The following LLGL2 variants were observed in gnomAD, a reference collection of about 807,000 sequenced individuals.
LLGL2 encodes LLGL2, scribble cell polarity complex component.
Under a neutral mutation model 123.2 loss-of-function variants are expected in LLGL2, and 81 were observed. That is an observed-to-expected ratio of 0.66 (90% CI 0.55 to 0.79). LLGL2 has a LOEUF of 0.79. LLGL2 is among the 30% of genes least tolerant of loss of function. The pLI, the probability that LLGL2 is intolerant of heterozygous loss-of-function variation, is 0.00. For missense variants in LLGL2, 1,273 were observed against 1,414.6 expected (o/e 0.90, Z 1.61); for synonymous variants, 577 against 594.1 (o/e 0.97, Z 0.42).
chr17:75,573,241 T>C lies in LLGL2; in HGVS notation c.2688T>C (p.Ser896=). ...RYSCIRREDV[S]GIASCVFTKY... is the part of the protein sequence containing the mutation. Reference sequence around the variant, plus strand: ...GCTGCATCCGCCGGGAGGACGTCAGTGGCATCGCCTCCTGCGTCTTCACCA... The same window carrying C: ...GCTGCATCCGCCGGGAGGACGTCAGCGGCATCGCCTCCTGCGTCTTCACCA... The change falls in exon 20 of 26, where the codon AGT becomes AGC. Residue 896 remains serine, a synonymous_variant. Transcript: ENST00000392550. 1 of 1,608,888 alleles carries C rather than the reference T, an allele frequency of 6.2e-7. No homozygotes were observed. Among genetic ancestry groups the C allele is most frequent in the Middle Eastern group, 1.7e-4 (1 of 6,050 alleles).
chr17:75,557,888 G>A (rs2054987980), intron 3 of LLGL2: 1 of 504,988 alleles, frequency 2.0e-6, no homozygotes, highest in Admixed American at 3.0e-5. Flanking sequence ...CAGTTGCCAG[G>A]GTAGGGCTTC....
chr17:75,567,950 GAAAA>G lies in LLGL2; in HGVS notation c.1037-514_1037-511del, dbSNP rs141562656. On this transcript the variant is annotated intron_variant, in intron 10 of 25. Transcript: ENST00000392550. ...AGTGTGAAACCCTGTCTCGAGAAAA[GAAAA>G]AAAAAAAAAAAGACAAATGGTTTAA... 6.4e-3 allele frequency: 3,121 copies of G among 483,904 alleles called. 84 individuals carry two copies. Among genetic ancestry groups the G allele is most frequent in the African/African-American group, 0.063 (2,888 of 45,868 alleles). 30.0% of individuals were successfully genotyped at this position (483,904 alleles called of 1,614,324 possible).
In LLGL2 at chr17:75,570,436, C is replaced by T. The variant is rs149923284; in HGVS notation, c.1963C>T (p.Arg655Cys). 1 of 1,602,652 alleles carries T rather than the reference C, an allele frequency of 6.2e-7. No homozygotes were observed. The highest frequency in any genetic ancestry group is 1.1e-5 in the South Asian group (1 of 89,236). ...SLKKSLRQSFRRMRRSRVSSR... is the reference protein window; with the variant it reads ...SLKKSLRQSFCRMRRSRVSSR... ...CAAGAAGTCCTTGCGTCAGTCATTC[C>T]GCCGGATGCGTCGGAGCCGGGTGTC... Residue 655 changes from arginine (R) to cysteine (C), a missense_variant, in exon 16 of 26, where the codon CGC (arginine) becomes TGC (cysteine). Physicochemically the swap from Arg to Cys is radical, Grantham distance 180. Coordinates refer to ENST00000392550, the MANE Select transcript of LLGL2 (RefSeq NM_001031803.2).
At chr17:75,543,554 C>T in intron 2 of LLGL2, 53 bp downstream of exon 2, 7 of 1,471,426 alleles carry the variant, frequency 4.8e-6, no homozygotes, top group Non-Finnish European at 5.6e-6. Context: ...CCAAGCAGCT[C>T]AGGCTGGGGC....
chr17:75,572,853 C>T (rs2055787067), intron 19 of LLGL2, among the ~76,000 whole-genome samples, 161 bp from the exon 20 acceptor site: 1 of 151,508 alleles, frequency 6.6e-6, no homozygotes, highest in Middle Eastern at 3.4e-3. Flanking sequence ...ATAGGGAAGT[C>T]GGTGACCTCG....
chr17:75,538,705 G>A (rs2054097468), intron 1 of LLGL2: 1 of 152,032 alleles, frequency 6.6e-6, no homozygotes, highest in Non-Finnish European at 1.5e-5. Flanking sequence ...GGAGAAAAGC[G>A]GTGCAGGGAG....
chr17:75,539,564 A>T (rs2054131619), intron 1 of LLGL2, among the ~76,000 whole-genome samples: 1 of 149,352 alleles, frequency 6.7e-6, no homozygotes, highest in Non-Finnish European at 1.5e-5. Context: ...TTTTGATCAG[A>T]GATAGTCCTG....
At chr17:75,527,049 G>T (rs2053598367) in intron 1 of LLGL2, among the ~76,000 whole-genome samples, 1 of 149,558 alleles carries the variant, frequency 6.7e-6, no homozygotes, top group South Asian at 2.1e-4. Context: ...TGCACCTGTA[G>T]TCCCAGCTAC....
At chr17:75,552,254 T>G (rs1373708531) in intron 2 of LLGL2, among the ~76,000 whole-genome samples, 3 of 151,992 alleles carry the variant, frequency 2.0e-5, no homozygotes, top group African/African-American at 7.2e-5. Context: ...TCTGGAAGGC[T>G]GAGGCCTGTG....
At chr17:75,565,169 G>C (rs1001027695) in intron 10 of LLGL2, among the ~76,000 whole-genome samples, 1 of 152,244 alleles carries the variant, frequency 6.6e-6, no homozygotes, top group Non-Finnish European at 1.5e-5. Context: ...CCGCCTTCTG[G>C]GCAGGGCAGA....
rs989132048 is a variant in LLGL2, at chr17:75,568,804, C to T, written c.1287C>T (p.Thr429=). The T allele has an allele frequency of 3.1e-6, 5 of 1,598,834 alleles. No homozygotes were observed. Among genetic ancestry groups the T allele is most frequent in the Non-Finnish European group, 4.3e-6 (5 of 1,171,534 alleles). ...EWPIDGGTSL[T]PAPPQRDLLL... ...CAATTGATGGTGGCACCAGCCTGAC[C>T]CCAGCCCCACCCCAGAGGGACCTGC... Residue 429 remains threonine (T), a synonymous_variant, in exon 12 of 26, where the codon ACC becomes ACT. Transcript: ENST00000392550.
intron 1 of LLGL2, chr17:75,542,775 G>T (rs1157080266): frequency 6.6e-6 from 1 of 152,412 alleles, no homozygotes; most frequent in African/African-American, 2.4e-5. Flanking sequence ...GCATGGGCCA[G>T]CACCCCCTGA....
rs576933987 is a variant in LLGL2 at position 75,544,364 on chromosome 17, G to A, written c.75+863G>A. Among the ~76,000 whole-genome samples the A allele has an allele frequency of 4.4e-4, 67 of 152,300 alleles. No homozygotes were observed. The highest frequency in any genetic ancestry group is 8.1e-4 in the Non-Finnish European group (55 of 68,026). On this transcript the variant is annotated intron_variant, in intron 2 of 25. Coordinates refer to ENST00000392550, the MANE Select transcript of LLGL2 (RefSeq NM_001031803.2). This position sits in a 1 kb window ranked among gnomAD's most constrained non-coding sequence, Gnocchi z 4.2. ...CATGTGGCTTTCGTTGGGGGCTTCC[G>A]TTTGGGCTCCCCTGCCCCCGAAAGG...
chr17:75,557,615 G>T (rs532782579), intron 3 of LLGL2, among the ~76,000 whole-genome samples: 4 of 152,292 alleles, frequency 2.6e-5, no homozygotes, highest in East Asian at 1.9e-4. Flanking sequence ...TGCCCGGTGT[G>T]GGGGAGGGGT....
chr17:75,574,820 G>T, intron 25 of LLGL2, 51 bp from the exon 26 acceptor site: 1 of 1,607,558 alleles, frequency 6.2e-7, no homozygotes, highest in Non-Finnish European at 8.5e-7. Context: ...GGCGGCTGGG[G>T]CACCCCGTCC....
At chr17:75,550,449 G>A (rs1350040821) in intron 2 of LLGL2, among the ~76,000 whole-genome samples, 2 of 138,918 alleles carry the variant, frequency 1.4e-5, no homozygotes, top group Non-Finnish European at 3.1e-5. Context: ...GCTGGTAGGA[G>A]TTGGGGGTGG....
At chr17:75,527,298 G>A (rs1213896217) in intron 1 of LLGL2, among the ~76,000 whole-genome samples, 1 of 152,044 alleles carries the variant, frequency 6.6e-6, no homozygotes. Flanking sequence ...AGTTTTCTTA[G>A]GCGATCTTCC....
intron 16 of LLGL2, 90 bp from the exon 17 acceptor site, chr17:75,570,860 C>T: frequency 6.8e-7 from 1 of 1,464,788 alleles, no homozygotes; most frequent in Non-Finnish European, 9.1e-7. Flanking sequence ...CTGTGGCCTG[C>T]CTTCCGATGC....
rs1013954912 is a variant in LLGL2, at chr17:75,525,763, G to T, written c.-93G>T. 1 of 140,534 alleles carries T rather than the reference G, an allele frequency of 7.1e-6. No homozygotes were observed. The highest frequency in any genetic ancestry group is 1.6e-5 in the Non-Finnish European group (1 of 61,928). The allele number at this position is 140,534 out of a possible 1,614,324, so 8.7% of individuals were successfully genotyped here. A position where few individuals can be genotyped will look rare whatever the true frequency, so the allele number is the denominator to read the frequency against. On this transcript the variant is annotated 5_prime_UTR_variant, in exon 1 of 26. Coordinates refer to ENST00000392550, the MANE Select transcript of LLGL2 (RefSeq NM_001031803.2). This position sits in a 1 kb window ranked among gnomAD's most constrained non-coding sequence, Gnocchi z 4.8. ...CGTGGGCAGGCGCGGCGGAGCGAGC[G>T]GGGCCGGCGGCGGGCGCCGAGGGAC...
Sources: gnomAD v4.1 joint callset for allele counts (sites outside exome capture counted in the v4.1 genomes callset) on GRCh38, gnomAD v4.1.1 for gene constraint, Gnocchi (gnomAD v3.1) non-coding constraint, MANE v1.5 for transcripts, NCBI Gene and HGNC (gene_info 2026-07-23, HGNC 2026-07-21) for gene names.